The following SLC13A3 variants were observed in gnomAD, a reference collection of about 807,000 sequenced individuals.
SLC13A3 encodes the protein Na(+)/dicarboxylate cotransporter 3.
SLC13A3 carries 40 observed loss-of-function variants against 59.0 expected under a neutral mutation model. The ratio of observed to expected loss-of-function variants is 0.68; its 90% CI spans 0.53 to 0.88. SLC13A3 has a LOEUF of 0.88. Among genes scored for constraint, SLC13A3 ranks in the 40% least tolerant of loss-of-function variants. The probability of loss-of-function intolerance (pLI) is 0.00; values close to 1 mark genes in which losing one functional copy is unlikely to be tolerated. For synonymous variants in SLC13A3, 317 were observed against 330.3 expected, an observed-to-expected ratio of 0.96 and a Z score of 0.44; for missense variants, 699 against 783.2, an observed-to-expected ratio of 0.89 and a Z score of 1.28.
chr20:46,664,752 GA>G (rs2063052373), intron 1 of SLC13A3, among the ~76,000 whole-genome samples: 1 of 152,156 alleles, frequency 6.6e-6, no homozygotes, highest in Non-Finnish European at 1.5e-5. Flanking sequence ...AGCTGTCCAT[GA>G]AGAGGACCCT....
intron 10 of SLC13A3, among the ~76,000 whole-genome samples, chr20:46,568,731 T>C (rs1231828528): frequency 6.6e-6 from 1 of 152,108 alleles, no homozygotes; most frequent in Non-Finnish European, 1.5e-5. Context: ...ACCTGACAGC[T>C]CTGTGCGCAA....
At chr20:46,676,412 T>A (rs1437568800) in intron 1 of SLC13A3, among the ~76,000 whole-genome samples, 2 of 94,338 alleles carry the variant, frequency 2.1e-5, no homozygotes, top group African/African-American at 1.3e-4. Flanking sequence ...CTCTCAACTC[T>A]TTTTTTTTTT....
intron 1 of SLC13A3, among the ~76,000 whole-genome samples, chr20:46,637,918 G>T (rs1447204375): frequency 6.6e-6 from 1 of 152,162 alleles, no homozygotes; most frequent in African/African-American, 2.4e-5. Context: ...GGTGAGGCAG[G>T]CTCCTTCTCT....
intron 1 of SLC13A3, among the ~76,000 whole-genome samples, chr20:46,615,672 G>A (rs1200726495): frequency 6.6e-6 from 1 of 152,194 alleles, no homozygotes; most frequent in Non-Finnish European, 1.5e-5. Flanking sequence ...GTCATTTACT[G>A]AGATGGGGGA....
At chr20:46,626,230 C>A (rs1218551571) in intron 1 of SLC13A3, among the ~76,000 whole-genome samples, 1 of 150,224 alleles carries the variant, frequency 6.7e-6, no homozygotes, top group Non-Finnish European at 1.5e-5. Flanking sequence ...CTCCCTCCCC[C>A]TCCTTTTCTC....
At chr20:46,649,446 G>T (rs1297889930) in intron 1 of SLC13A3, among the ~76,000 whole-genome samples, 1 of 152,202 alleles carries the variant, frequency 6.6e-6, no homozygotes, top group Non-Finnish European at 1.5e-5. Context: ...CTGGGTTCAT[G>T]TTCTTGCTAG....
chr20:46,629,581 C>G (rs1280563884), intron 1 of SLC13A3, among the ~76,000 whole-genome samples: 1 of 152,078 alleles, frequency 6.6e-6, no homozygotes, highest in East Asian at 1.9e-4. Flanking sequence ...TCCTTTCTTA[C>G]TTTTCCACTT....
At chr20:46,607,666 T>C (rs564763971) in intron 3 of SLC13A3, among the ~76,000 whole-genome samples, 1 of 152,282 alleles carries the variant, frequency 6.6e-6, no homozygotes, top group African/African-American at 2.4e-5. Context: ...GAGTCTCAGA[T>C]TTTTCATTCT....
rs2062068426 is a variant in SLC13A3, at chr20:46,575,618, G to A, written c.1287C>T (p.Ile429=). 3 of 1,608,142 alleles carry A rather than the reference G, an allele frequency of 1.9e-6. No individual in the cohort carries two copies. The highest frequency in any genetic ancestry group is 2.7e-5 in the African/African-American group (2 of 74,934). Residue 429 remains isoleucine (I), a synonymous_variant, in exon 10 of 13, where the codon ATC becomes ATT. Coordinates refer to ENST00000279027, the MANE Select transcript of SLC13A3 (RefSeq NM_022829.6). ...KKAQETVPWN[I]ILLLGGGFAM... is the part of the protein sequence containing the mutation. ...CGAAGCCCCCTCCCAGGAGAAGGATGATGTTCCAGGGCACTGTCTCCTGGG... is the reference window on the plus strand; with the variant it reads ...CGAAGCCCCCTCCCAGGAGAAGGATAATGTTCCAGGGCACTGTCTCCTGGG...
rs1028009778 is a variant in SLC13A3 at position 46,642,658 on chromosome 20, C to T, written c.111+8653G>A. ...CCTTCCTCTCTTCATCTTACCACAT[C>T]CAGTCCAAGCGCAAAGCCAACCAGA... is the stretch of plus-strand genomic sequence containing the variant. On this transcript the variant is annotated intron_variant, in intron 1 of 12. Coordinates refer to ENST00000279027, the MANE Select transcript of SLC13A3 (RefSeq NM_022829.6). 2.3e-4 allele frequency among the ~76,000 whole-genome samples: 35 copies of T among 152,198 alleles called. 1 individual carries two copies. Among genetic ancestry groups the T allele is most frequent in the Admixed American group, 3.3e-4 (5 of 15,286 alleles).
intron 8 of SLC13A3, among the ~76,000 whole-genome samples, chr20:46,586,847 C>T (rs2062198006): frequency 6.6e-6 from 1 of 152,176 alleles, no homozygotes; most frequent in Non-Finnish European, 1.5e-5. Flanking sequence ...AGTATTTTGG[C>T]TTTGCAGGCC....
At position 46,560,096 on chromosome 20, in the gene SLC13A3, A is replaced by C; in HGVS notation, c.1735T>G (p.Trp579Gly). ...TIFQLGTFPD[W>G]ADMYSVNVTA... ...ACATTGACCGAGTACATATCAGCCC[A>C]GTCCGGGAAGGTGCCCAGCTGGAAG... Residue 579 changes from tryptophan (W) to glycine (G), a missense_variant, in exon 13 of 13, where the codon TGG (tryptophan) becomes GGG (glycine). By Grantham distance (184) the Trp-to-Gly change is radical (BLOSUM62 -2). Coordinates refer to ENST00000279027, the MANE Select transcript of SLC13A3 (RefSeq NM_022829.6). 6.2e-7 allele frequency: 1 copy of C among 1,614,166 alleles called. No individual in the cohort carries two copies. The highest frequency in any genetic ancestry group is 8.5e-7 in the Non-Finnish European group (1 of 1,180,030).
At chr20:46,632,911 A>AGACAGCTCTT (rs1253627891) in intron 1 of SLC13A3, among the ~76,000 whole-genome samples, 1 of 55,526 alleles carries the variant, frequency 1.8e-5, no homozygotes, top group Non-Finnish European at 3.9e-5. Flanking sequence ...ATAGATAGAT[A>AGACAGCTCTT]TATCTATCTA....
At chr20:46,567,275 C>T (rs151048994) in intron 10 of SLC13A3, among the ~76,000 whole-genome samples, 96 of 152,134 alleles carry the variant, frequency 6.3e-4, no homozygotes, top group African/African-American at 2.2e-3. Flanking sequence ...CAAATATTAA[C>T]GTTGCATTAT....
chr20:46,567,794 A>G (rs1350447821), intron 10 of SLC13A3, among the ~76,000 whole-genome samples: 1 of 152,178 alleles, frequency 6.6e-6, no homozygotes, highest in Non-Finnish European at 1.5e-5. Flanking sequence ...CCAACACATC[A>G]TTATAACCAC....
At chr20:46,617,588 T>G in intron 1 of SLC13A3, among the ~76,000 whole-genome samples, 1 of 106,314 alleles carries the variant, frequency 9.4e-6, no homozygotes, top group Admixed American at 1.1e-4. Flanking sequence ...TCTGAAAAAC[T>G]TGTGTGTGTG....
chr20:46,596,299 C>T lies in SLC13A3; in HGVS notation c.652G>A (p.Ala218Thr), dbSNP rs756675199. Reference protein sequence around the residue: ...GETEVPLDLPADSRKEDEYRR... With the variant: ...GETEVPLDLPTDSRKEDEYRR... ...TATTCATCCTCCTTCCTGGAGTCAGCCGGCAGATCCAGTGGAACCTCTGTC... is the reference window on the plus strand; with the variant it reads ...TATTCATCCTCCTTCCTGGAGTCAGTCGGCAGATCCAGTGGAACCTCTGTC... Residue 218 changes from alanine (A) to threonine (T), a missense_variant, in exon 5 of 13, where the codon GCT becomes ACT. By Grantham distance (58) the Ala-to-Thr change is moderately conservative (BLOSUM62 0). Coordinates refer to ENST00000279027, the MANE Select transcript of SLC13A3 (RefSeq NM_022829.6). 1.2e-6 allele frequency: 2 copies of T among 1,614,060 alleles called. No homozygotes were observed. The highest frequency in any genetic ancestry group is 2.7e-5 in the African/African-American group (2 of 74,914).
At chr20:46,581,612 C>A (rs1019833897) in intron 9 of SLC13A3, among the ~76,000 whole-genome samples, 5 of 152,046 alleles carry the variant, frequency 3.3e-5, no homozygotes. Flanking sequence ...ATCAGATGGG[C>A]ACCATGAGGA....
At chr20:46,637,314 G>A (rs2062805545) in intron 1 of SLC13A3, among the ~76,000 whole-genome samples, 1 of 152,184 alleles carries the variant, frequency 6.6e-6, no homozygotes, top group African/African-American at 2.4e-5. Flanking sequence ...TCGCTTCTCA[G>A]GCATCTGGGA....
Sources: gnomAD v4.1 joint callset for allele counts (sites outside exome capture counted in the v4.1 genomes callset) on GRCh38, gnomAD v4.1.1 for gene constraint, MANE v1.5 for transcripts, NCBI Gene and HGNC (gene_info 2026-07-23, HGNC 2026-07-21) for gene names.